ZNF462: variants seen among roughly 807,000 people sequenced by gnomAD.
ZNF462 encodes the protein zinc finger protein 462.
A neutral mutation model predicts 201.9 loss-of-function variants in ZNF462; 10 were observed. That is an observed-to-expected ratio of 0.05 (90% CI 0.03 to 0.08). ZNF462 has a LOEUF of 0.08. Ranked by LOEUF, ZNF462 falls within the 10% of genes least tolerant of loss-of-function variation. The pLI is 1.00. For synonymous variants in ZNF462, 1,227 were observed against 1,193.3 expected (o/e 1.03, Z -0.58); for missense variants, 2,523 against 3,168.3 (o/e 0.80, Z 4.89).
intron 1 of ZNF462, among the ~76,000 whole-genome samples, chr9:106,887,254 G>A (rs1042906677): frequency 6.6e-6 from 1 of 152,196 alleles, no homozygotes; most frequent in Admixed American, 6.5e-5. Flanking sequence ...TGATAAGGCT[G>A]AGGAGTCATT....
intron 10 of ZNF462, among the ~76,000 whole-genome samples, chr9:106,995,027 AATAAGC>A (rs939742164): frequency 2.6e-5 from 4 of 152,146 alleles, no homozygotes; most frequent in African/African-American, 9.7e-5. Context: ...ATCCTGTTCA[AATAAGC>A]AAAATGTGGT....
intron 7 of ZNF462, among the ~76,000 whole-genome samples, chr9:106,946,158 C>T (rs931242857): frequency 6.6e-6 from 1 of 152,160 alleles, no homozygotes; most frequent in Non-Finnish European, 1.5e-5. Flanking sequence ...AGAACTAGTT[C>T]CCAGCAACAC....
Position 106,923,564 on chromosome 9 carries a change from T to A in ZNF462, c.181T>A (p.Ser61Thr), listed in dbSNP as rs763391765. Reference sequence around the variant, plus strand: ...TAATCAGACAGAGGTGGAGTTTTCTTCTATAAAGGATGAATTTGCCATTGC... The same window carrying A: ...TAATCAGACAGAGGTGGAGTTTTCTACTATAAAGGATGAATTTGCCATTGC... Reference protein sequence around the residue: ...ASNQTEVEFSSIKDEFAIAED... With the variant: ...ASNQTEVEFSTIKDEFAIAED... The change falls in exon 2 of 13, where the codon TCT (serine) becomes ACT (threonine). Residue 61 changes from serine (S) to threonine (T), a missense_variant. Physicochemically the swap from Ser to Thr is moderately conservative, Grantham distance 58. Around this residue, in one of 15 missense-constraint regions of ZNF462, gnomAD observed 480 missense variants for 544.4 expected, o/e 0.88. Transcript: ENST00000277225. The surrounding 1 kb of genome is among the most constrained non-coding windows in gnomAD (Gnocchi z 5.6). 17 of 1,614,104 alleles carry A rather than the reference T, an allele frequency of 1.1e-5. No homozygotes were observed. The highest frequency in any genetic ancestry group is 1.4e-5 in the Non-Finnish European group (16 of 1,180,056).
Position 106,932,555 on chromosome 9 carries a change from TG to T in ZNF462, c.6116+7del. The T allele has an allele frequency of 6.2e-7, 1 of 1,614,160 alleles. No homozygotes were observed. Among genetic ancestry groups the T allele is most frequent in the Non-Finnish European group, 8.5e-7 (1 of 1,180,040 alleles). On this transcript the variant is annotated splice_region_variant and intron_variant, in intron 5 of 12. Coordinates refer to ENST00000277225, the MANE Select transcript of ZNF462 (RefSeq NM_021224.6). This position sits in a 1 kb window ranked among gnomAD's most constrained non-coding sequence, Gnocchi z 6.8. ...GTTTCTGCTTTCAGGCACAAGTAAG[TG>T]CTATTGGGGGGTCACTAGTGGTTAC...
At chr9:106,959,918 C>G (rs1189987535) in intron 7 of ZNF462, among the ~76,000 whole-genome samples, 2 of 152,016 alleles carry the variant, frequency 1.3e-5, no homozygotes, top group African/African-American at 4.8e-5. Context: ...GGTGGAGGAG[C>G]TATCCTAAGG....
chr9:106,926,047 A>C lies in ZNF462; in HGVS notation c.2135A>C (p.Gln712Pro), dbSNP rs960087148. The part of the protein sequence containing the change: ...NLQSKINQTK[Q>P]QEDAVINVED... Reference sequence around the variant, plus strand: ...CAGAGCAAAATTAACCAAACCAAACAGCAGGAAGATGCAGTGATCAATGTT... The same window carrying C: ...CAGAGCAAAATTAACCAAACCAAACCGCAGGAAGATGCAGTGATCAATGTT... Residue 712 changes from glutamine (Q) to proline (P), a missense_variant, in exon 3 of 13, where the codon CAG becomes CCG. This residue lies in a region of ZNF462 where 383 missense variants were observed against 453.4 expected (regional missense o/e 0.84). Coordinates refer to ENST00000277225, the MANE Select transcript of ZNF462 (RefSeq NM_021224.6). This position sits in a 1 kb window ranked among gnomAD's most constrained non-coding sequence, Gnocchi z 7.9. 4.3e-6 allele frequency: 7 copies of C among 1,614,254 alleles called. No homozygotes were observed. The highest frequency in any genetic ancestry group is 5.1e-6 in the Non-Finnish European group (6 of 1,180,046).
chr9:106,864,039 GCTCTCTCTCTCTCTCT>G lies in ZNF462; in HGVS notation c.-31+740_-31+755del, dbSNP rs773917122. On this transcript the variant is annotated intron_variant, in intron 1 of 12. Transcript: ENST00000277225. ...AGCCCCCCTCTTCCTCAGGTATTTG[GCTCTCTCTCTCTCTCT>G]CTCTCTCTCTCTCTCTCTCTCTCTC... Among the ~76,000 whole-genome samples the G allele has an allele frequency of 6.5e-3, 147 of 22,734 alleles. 1 individual carries two copies. The highest frequency in any genetic ancestry group is 0.01 in the East Asian group (8 of 788). 14.9% of individuals were successfully genotyped at this position (22,734 alleles called of 152,430 possible).
In ZNF462 at chr9:106,913,404, A is replaced by G. The variant is rs1425763352; in HGVS notation, c.-30-9950A>G. 6.6e-6 allele frequency among the ~76,000 whole-genome samples: 1 copy of G among 152,172 alleles called. No individual in the cohort carries two copies. Among genetic ancestry groups the G allele is most frequent in the Non-Finnish European group, 1.5e-5 (1 of 68,032 alleles). On this transcript the variant is annotated intron_variant, in intron 1 of 12. Transcript: ENST00000277225. This position sits in a 1 kb window ranked among gnomAD's most constrained non-coding sequence, Gnocchi z 4.1. ...GCATACAGTTAGTACTCATAGCACA[A>G]ATCTCATCAGAGCCAGACTTATGCC...
rs759108844 is a variant in ZNF462, at chr9:106,974,323, G to C, written c.6832+50G>C. On this transcript the variant is annotated intron_variant, in intron 9 of 12. Transcript: ENST00000277225. The surrounding 1 kb of genome is among the most constrained non-coding windows in gnomAD (Gnocchi z 4.0). ...TGGATGCAGCGGGGGGCAGGCAGCA[G>C]AGATGGCCTTCTAGGGATGCTCTCT... The C allele has an allele frequency of 6.2e-7, 1 of 1,613,650 alleles. No homozygotes were observed. Among genetic ancestry groups the C allele is most frequent in the Non-Finnish European group, 8.5e-7 (1 of 1,179,594 alleles).
chr9:106,925,424 C>G lies in ZNF462; in HGVS notation c.1512C>G (p.Ser504=). 1 of 1,614,148 alleles carries G rather than the reference C, an allele frequency of 6.2e-7. No individual in the cohort carries two copies. The highest frequency in any genetic ancestry group is 8.5e-7 in the Non-Finnish European group (1 of 1,180,020). Residue 504 remains serine (S), a synonymous_variant, in exon 3 of 13, where the codon TCC becomes TCG. Transcript: ENST00000277225. This position sits in a 1 kb window ranked among gnomAD's most constrained non-coding sequence, Gnocchi z 7.9. ...GTTSDWDAVN[S]QSESISSSLN... ...CGTCAGATTGGGATGCTGTGAATTC[C>G]CAGAGTGAAAGCATTTCTTCCTCAC...
In ZNF462 at chr9:107,011,858, A is replaced by G. The variant is rs1829939597; in HGVS notation, c.*828A>G. Reference sequence around the variant, plus strand: ...CAGGTAAGCTGTTTATTAGTGTTCAACTATAATTTAGAATTTGGTAGATTC... The same window carrying G: ...CAGGTAAGCTGTTTATTAGTGTTCAGCTATAATTTAGAATTTGGTAGATTC... On this transcript the variant is annotated 3_prime_UTR_variant, in exon 13 of 13. Transcript: ENST00000277225. The surrounding 1 kb of genome is among the most constrained non-coding windows in gnomAD (Gnocchi z 5.6). 6.6e-6 allele frequency: 1 copy of G among 152,116 alleles called. No individual in the cohort carries two copies. Among genetic ancestry groups the G allele is most frequent in the South Asian group, 2.1e-4 (1 of 4,832 alleles). The allele number at this position is 152,116 out of a possible 1,614,324, so 9.4% of individuals were successfully genotyped here.
rs1303221749 is a variant in ZNF462, at chr9:106,890,680, AT to A, written c.-31+27326del. ...AGGGTCAGAGGGCATATGCTCTGAT[AT>A]GGAATTTTGGAGGTCATTCCCTGCC... is the stretch of plus-strand genomic sequence containing the variant. On this transcript the variant is annotated intron_variant, in intron 1 of 12. Coordinates refer to ENST00000277225, the MANE Select transcript of ZNF462 (RefSeq NM_021224.6). The surrounding 1 kb of genome is among the most constrained non-coding windows in gnomAD (Gnocchi z 4.2). Among the ~76,000 whole-genome samples the A allele has an allele frequency of 6.6e-6, 1 of 152,230 alleles. No homozygotes were observed. Among genetic ancestry groups the A allele is most frequent in the Non-Finnish European group, 1.5e-5 (1 of 68,048 alleles).
chr9:106,912,402 A>C (rs559005662), intron 1 of ZNF462, among the ~76,000 whole-genome samples: 1 of 127,548 alleles, frequency 7.8e-6, no homozygotes, highest in Admixed American at 7.1e-5. Context: ...GTCAATCTGC[A>C]AAAAAATGGA....
chr9:106,924,829 A>G lies in ZNF462; in HGVS notation c.917A>G (p.Asn306Ser). 1.2e-6 allele frequency: 2 copies of G among 1,614,178 alleles called. No homozygotes were observed. Among genetic ancestry groups the G allele is most frequent in the Non-Finnish European group, 1.7e-6 (2 of 1,180,036 alleles). ...TCCAACTCCACCTATCTGACCATGAATGCTGCAAGCCGGGAGATACCCAAT... is the reference window on the plus strand; with the variant it reads ...TCCAACTCCACCTATCTGACCATGAGTGCTGCAAGCCGGGAGATACCCAAT... ...PTSNSTYLTM[N>S]AASREIPNTT... Residue 306 changes from asparagine to serine, a missense_variant, in exon 3 of 13, where the codon AAT (asparagine) becomes AGT (serine). Asn to Ser is a conservative substitution (Grantham distance 46). This residue lies in a region of ZNF462 where 480 missense variants were observed against 544.4 expected (regional missense o/e 0.88). Transcript: ENST00000277225. The surrounding 1 kb of genome is among the most constrained non-coding windows in gnomAD (Gnocchi z 6.2).
intron 7 of ZNF462, among the ~76,000 whole-genome samples, chr9:106,943,245 C>G (rs1177379114): frequency 6.6e-6 from 1 of 152,102 alleles, no homozygotes; most frequent in Non-Finnish European, 1.5e-5. Flanking sequence ...AGGAGCTTGG[C>G]AATTTCCTTT....
chr9:106,994,296 G>A (rs1828525225), intron 10 of ZNF462, among the ~76,000 whole-genome samples: 1 of 152,004 alleles, frequency 6.6e-6, no homozygotes, highest in South Asian at 2.1e-4. Context: ...AGCTCAGAAG[G>A]AATCATCAAC....
upstream of ZNF462, among the ~76,000 whole-genome samples, chr9:106,862,433 C>T (rs932338582): frequency 1.3e-5 from 2 of 152,116 alleles, no homozygotes; most frequent in Non-Finnish European, 2.9e-5. The surrounding 1 kb of genome is among the most constrained non-coding windows in gnomAD (Gnocchi z 4.2). Flanking sequence ...CGGGCGCCAC[C>T]GGGACGCGAG....
chr9:106,998,755 C>T (rs1176345727), intron 10 of ZNF462, among the ~76,000 whole-genome samples: 3 of 151,924 alleles, frequency 2.0e-5, no homozygotes, highest in African/African-American at 4.8e-5. Context: ...TTACAGGTAC[C>T]CGCCCACCAC....
chr9:106,883,699 C>T lies in ZNF462; in HGVS notation c.-31+20344C>T, dbSNP rs926753664. On this transcript the variant is annotated intron_variant, in intron 1 of 12. Transcript: ENST00000277225. This position sits in a 1 kb window ranked among gnomAD's most constrained non-coding sequence, Gnocchi z 4.9. The stretch of plus-strand genomic sequence containing the variant: ...TAAACAGGGGATTAGTAAATCTTTT[C>T]CTCTGAAGTTTGGATGCGGTTCAAA... Among the ~76,000 whole-genome samples, 4 of 152,154 alleles carry T rather than the reference C, an allele frequency of 2.6e-5. No individual in the cohort carries two copies. Among genetic ancestry groups the T allele is most frequent in the Non-Finnish European group, 4.4e-5 (3 of 68,028 alleles).
Sources: allele counts gnomAD v4.1 joint callset (sites outside exome capture counted in the v4.1 genomes callset), GRCh38; gene constraint gnomAD v4.1.1; regional missense constraint gnomAD v4.1.1; non-coding constraint Gnocchi (gnomAD v3.1); transcripts MANE v1.5; gene names NCBI Gene and HGNC (gene_info 2026-07-23, HGNC 2026-07-21).